Variants in DNA2 observed in about 807,000 individuals in gnomAD.
DNA2 encodes the protein DNA replication helicase/nuclease 2.
In DNA2, 101 loss-of-function variants were observed where a neutral mutation model predicts 119.1. That is an observed-to-expected ratio of 0.85 (90% CI 0.72 to 1.00). DNA2 has a LOEUF of 1.00. DNA2 is among the 50% of genes least tolerant of loss of function. The pLI, the probability that DNA2 is intolerant of heterozygous loss-of-function variation, is 0.00. For missense variants in DNA2, 1,121 were observed against 1,255.5 expected, an observed-to-expected ratio of 0.89 and a Z score of 1.62; for synonymous variants, 366 against 424.4, an observed-to-expected ratio of 0.86 and a Z score of 1.69.
chr10:68,444,204 A>C (rs1159053680), intron 8 of DNA2, among the ~76,000 whole-genome samples: 1 of 151,876 alleles, frequency 6.6e-6, no homozygotes, highest in Non-Finnish European at 1.5e-5. Flanking sequence ...ATCCTGGCCA[A>C]CATGGTGAAA....
rs369420960 is a variant in DNA2, at chr10:68,456,903, G to C, written c.719+2201C>G. Among the ~76,000 whole-genome samples, 27 of 151,716 alleles carry C rather than the reference G, an allele frequency of 1.8e-4. No individual in the cohort carries two copies. The East Asian group carries it at 4.9e-3, about 27-fold the overall frequency. On this transcript the variant is annotated intron_variant, in intron 5 of 20. Coordinates refer to ENST00000358410, the MANE Select transcript of DNA2 (RefSeq NM_001080449.3). Reference sequence around the variant, plus strand: ...TAATCCCAGCACTTTGGGAGGCCAAGGTGGGCGGATTACAAGGTCAGGAGA... The same window carrying C: ...TAATCCCAGCACTTTGGGAGGCCAACGTGGGCGGATTACAAGGTCAGGAGA...
At chr10:68,450,290 A>G (rs1002907211) in intron 5 of DNA2, 43 bp from the exon 6 acceptor site, 3 of 1,423,004 alleles carry the variant, frequency 2.1e-6, no homozygotes, top group Non-Finnish European at 1.9e-6. Context: ...TAGAACTCTT[A>G]GCTCATTTCA....
chr10:68,464,898 T>G (rs1390309877), intron 4 of DNA2, among the ~76,000 whole-genome samples: 1 of 150,880 alleles, frequency 6.6e-6, no homozygotes, highest in East Asian at 1.9e-4. Flanking sequence ...GTACCTGTTG[T>G]TCCAGATACT....
chr10:68,443,950 CA>C (rs112714604), intron 8 of DNA2, among the ~76,000 whole-genome samples: 1 of 146,268 alleles, frequency 6.8e-6, no homozygotes, highest in African/African-American at 2.5e-5. Context: ...GACTCTGTCT[CA>C]AAAAAAAAGA....
intron 4 of DNA2, 68 bp from the exon 5 acceptor site, chr10:68,459,303 A>T (rs947268670): frequency 1.4e-6 from 2 of 1,412,328 alleles, no homozygotes; most frequent in East Asian, 5.1e-5. Context: ...GATAGCGAAT[A>T]TGAAAGTATA....
At chr10:68,471,309 A>G (rs918164197) in intron 1 of DNA2, among the ~76,000 whole-genome samples, 14 of 152,214 alleles carry the variant, frequency 9.2e-5, no homozygotes, top group African/African-American at 3.4e-4. Flanking sequence ...TTGCTGATCA[A>G]AAGCCCAAAC....
Position 68,419,100 on chromosome 10 carries a change from G to C in DNA2, c.2901C>G (p.Asp967Glu), listed in dbSNP as rs757732999. 1 of 1,613,046 alleles carries C rather than the reference G, an allele frequency of 6.2e-7. No homozygotes were observed. The highest frequency in any genetic ancestry group is 8.5e-7 in the Non-Finnish European group (1 of 1,179,496). ...TACTTTTGTCCCTTCCTTGGTATTT[G>C]TCTACTGTATTAACTTCGACCATCC... is the stretch of plus-strand genomic sequence containing the variant. ...SIGMVEVNTV[D>E]KYQGRDKSIV... Residue 967 changes from aspartate (D) to glutamate (E), a missense_variant, in exon 19 of 21, where the codon GAC becomes GAG. Transcript: ENST00000358410.
chr10:68,433,428 C>T (rs917207727), intron 10 of DNA2, among the ~76,000 whole-genome samples: 1 of 152,194 alleles, frequency 6.6e-6, no homozygotes, highest in Admixed American at 6.6e-5. Flanking sequence ...GAACTCAATT[C>T]TCTACAATGT....
At chr10:68,429,727 A>AAG (rs2051793230) in intron 14 of DNA2, among the ~76,000 whole-genome samples, 2 of 147,950 alleles carry the variant, frequency 1.4e-5, no homozygotes, top group African/African-American at 5.0e-5. Context: ...AAAAAAAAAA[A>AAG]AAAAGAAAAA....
Position 68,416,660 on chromosome 10 carries a change from C to T in DNA2, c.3114+49G>A, listed in dbSNP as rs775551279. On this transcript the variant is annotated intron_variant, in intron 20 of 20. Coordinates refer to ENST00000358410, the MANE Select transcript of DNA2 (RefSeq NM_001080449.3). ...TTTAATTTAAACAAGCAAATAAATA[C>T]TCACAACAGTGCAATCAAATGTGAC... 6.4e-6 allele frequency: 10 copies of T among 1,550,608 alleles called. No individual in the cohort carries two copies. The Admixed American group carries it at 1.5e-4, about 24-fold the overall frequency.
chr10:68,437,176 C>A lies in DNA2; in HGVS notation c.1481G>T (p.Gly494Val), dbSNP rs1564884577. The A allele has an allele frequency of 3.7e-6, 6 of 1,613,590 alleles. No individual in the cohort carries two copies. The highest frequency in any genetic ancestry group is 4.2e-6 in the Non-Finnish European group (5 of 1,179,698). The part of the protein sequence containing the change: ...RMEHVKIVCD[G>V]QYLHNFQCKH... ...ACATTGGAAATTATGTAAATATTGC[C>A]CATCACAAACTATCTTTACATGTTC... The change falls in exon 10 of 21, where the codon GGG becomes GTG. Residue 494 changes from glycine to valine, a missense_variant. Coordinates refer to ENST00000358410, the MANE Select transcript of DNA2 (RefSeq NM_001080449.3).
chr10:68,414,779 T>C lies in DNA2; in HGVS notation c.*260A>G. ...CTACAAAATCAAATTAGTCCTGAAA[T>C]GTCTGACTTAAAAGTTTAAAGCTCA... On this transcript the variant is annotated 3_prime_UTR_variant, in exon 21 of 21. Coordinates refer to ENST00000358410, the MANE Select transcript of DNA2 (RefSeq NM_001080449.3). The C allele has an allele frequency of 2.8e-6, 1 of 355,842 alleles. No homozygotes were observed. The allele number at this position is 355,842 out of a possible 1,614,324, so 22.0% of individuals were successfully genotyped here.
At chr10:68,427,507 C>T (rs2051757950) in intron 14 of DNA2, among the ~76,000 whole-genome samples, 1 of 150,984 alleles carries the variant, frequency 6.6e-6, no homozygotes, top group Admixed American at 6.6e-5. Flanking sequence ...ATTAGGCAGG[C>T]ATGGTGGTAC....
chr10:68,428,569 T>C (rs572132781), intron 14 of DNA2, among the ~76,000 whole-genome samples: 1 of 152,140 alleles, frequency 6.6e-6, no homozygotes, highest in Non-Finnish European at 1.5e-5. Flanking sequence ...CTGGAAACAA[T>C]CCAGATTTTC....
Position 68,430,177 on chromosome 10 carries a change from A to G in DNA2, c.2208+259T>C, listed in dbSNP as rs10823195. 0.13 allele frequency among the ~76,000 whole-genome samples: 19,381 copies of G among 151,996 alleles called. 1,477 individuals are homozygous for G. Among genetic ancestry groups the G allele is most frequent in the East Asian group, 0.25 (1,289 of 5,164 alleles). On this transcript the variant is annotated intron_variant, in intron 14 of 20. Transcript: ENST00000358410. ...TGGGATTACAAGCGTAAGCCATCGC[A>G]CCTGGCTGAAACCCTGATTATTAGT...
intron 6 of DNA2, among the ~76,000 whole-genome samples, chr10:68,447,911 G>C (rs918140275): frequency 6.6e-6 from 1 of 151,098 alleles, no homozygotes; most frequent in African/African-American, 2.4e-5. Flanking sequence ...ATGAACCCAG[G>C]AGGCAGAGCT....
chr10:68,445,046 C>T lies in DNA2; in HGVS notation c.1095G>A (p.Leu365=), dbSNP rs1288827721. Residue 365 remains leucine, a synonymous_variant, in exon 8 of 21, where the codon TTG becomes TTA. Transcript: ENST00000358410. ...LKLRNQMAFS[L]FHRISKSATR... ...TAGCAGATTTGCTAATACGGTGAAA[C>T]AATGAGAATGCCATCTGGTTTCTTA... is the stretch of plus-strand genomic sequence containing the variant. 6.8e-6 allele frequency: 11 copies of T among 1,608,944 alleles called. No individual in the cohort carries two copies. Among genetic ancestry groups the T allele is most frequent in the Non-Finnish European group, 3.4e-6 (4 of 1,177,484 alleles).
chr10:68,419,010 C>A lies in DNA2; in HGVS notation c.2967+24G>T. On this transcript the variant is annotated intron_variant, in intron 19 of 20. Transcript: ENST00000358410. ...AGAGAGAGAAATGCCCCAAATGAAT[C>A]AGTAGCAAACACAATTAACTCACAG... The A allele has an allele frequency of 1.9e-6, 3 of 1,555,906 alleles. No individual in the cohort carries two copies. In the South Asian group the frequency reaches 3.7e-5, roughly 19 times the overall value.
intron 14 of DNA2, among the ~76,000 whole-genome samples, chr10:68,425,405 C>CT (rs769692060): frequency 0.032 from 3,988 of 123,266 alleles, 87 homozygotes; most frequent in African/African-American, 0.053. Context: ...TGTTTGTGTT[C>CT]TTTTTTTTTT....
Sources: gnomAD v4.1 joint callset for allele counts (sites outside exome capture counted in the v4.1 genomes callset) on GRCh38, gnomAD v4.1.1 for gene constraint, MANE v1.5 for transcripts, NCBI Gene and HGNC (gene_info 2026-07-23, HGNC 2026-07-21) for gene names.